The following SBF2 variants were observed in gnomAD, a reference collection of about 807,000 sequenced individuals.
SBF2 encodes myotubularin-related protein 13.
In SBF2, 112 loss-of-function variants were observed where a neutral mutation model predicts 225.2. The ratio of observed to expected loss-of-function variants is 0.50; its 90% CI spans 0.43 to 0.58. The LOEUF is 0.58. Ranked by LOEUF, SBF2 falls within the 20% of genes least tolerant of loss-of-function variation. The probability of loss-of-function intolerance (pLI) is 0.00; values close to 1 mark genes in which losing one functional copy is unlikely to be tolerated. For missense variants in SBF2, 1,996 were observed against 2,206.2 expected (o/e 0.90, Z 1.91); for synonymous variants, 763 against 773.3 (o/e 0.99, Z 0.22).
chr11:9,970,133 A>G (rs1002362804), intron 13 of SBF2, among the ~76,000 whole-genome samples: 1 of 152,076 alleles, frequency 6.6e-6, no homozygotes, highest in Non-Finnish European at 1.5e-5. Context: ...ATTCTTTGCG[A>G]CCAGAAAATT....
At chr11:9,806,010 C>G (rs1853823103) in intron 32 of SBF2, among the ~76,000 whole-genome samples, 1 of 152,200 alleles carries the variant, frequency 6.6e-6, no homozygotes, top group African/African-American at 2.4e-5. Flanking sequence ...TTGAGATTAT[C>G]TATTTATTGT....
chr11:9,905,281 AT>A (rs1862034148), intron 16 of SBF2, among the ~76,000 whole-genome samples: 1 of 152,198 alleles, frequency 6.6e-6, no homozygotes, highest in Non-Finnish European at 1.5e-5. Flanking sequence ...ATTTAATGGC[AT>A]TTTTATTAAG....
chr11:10,226,998 T>C (rs958277575), intron 1 of SBF2, among the ~76,000 whole-genome samples: 23 of 152,298 alleles, frequency 1.5e-4, no homozygotes, highest in South Asian at 6.2e-4. Context: ...TGTTTCCTGA[T>C]TTTTTAATGA....
intron 1 of SBF2, among the ~76,000 whole-genome samples, chr11:10,234,871 A>G (rs1430081201): frequency 6.6e-6 from 1 of 152,194 alleles, no homozygotes; most frequent in Non-Finnish European, 1.5e-5. Flanking sequence ...ATAGCTTGGT[A>G]GAAAAAGGGA....
At chr11:9,908,687 T>TGTTGTTAC (rs368242902) in intron 16 of SBF2, among the ~76,000 whole-genome samples, 1 of 151,580 alleles carries the variant, frequency 6.6e-6, no homozygotes, top group Admixed American at 6.6e-5. Context: ...GTTCATAATC[T>TGTTGTTAC]TGTTGTTGCT....
chr11:10,280,717 C>G (rs1285488783), intron 1 of SBF2, among the ~76,000 whole-genome samples: 4 of 152,064 alleles, frequency 2.6e-5, no homozygotes, highest in Admixed American at 2.0e-4. Flanking sequence ...CTGAAACAAT[C>G]TGGGCTAAAA....
Position 9,808,281 on chromosome 11 carries a change from C to G in SBF2, c.4258-96G>C, listed in dbSNP as rs931541540. On this transcript the variant is annotated intron_variant, in intron 31 of 39. Transcript: ENST00000256190. ...CTTCCTTCTGATGATAGCTAATTCA[C>G]AAATTTACCTGGACAGCAAATTTGT... The G allele has an allele frequency of 1.2e-5, 13 of 1,063,384 alleles. No homozygotes were observed. In the African/African-American group the frequency reaches 2.0e-4, roughly 17 times the overall value. The allele number at this position is 1,063,384 out of a possible 1,614,324, so 65.9% of individuals were successfully genotyped here. A position where few individuals can be genotyped will look rare whatever the true frequency, so the allele number is the denominator to read the frequency against.
intron 1 of SBF2, among the ~76,000 whole-genome samples, chr11:10,217,318 G>T (rs72861799): frequency 0.084 from 12,808 of 152,214 alleles, 797 homozygotes; most frequent in Non-Finnish European, 0.11. Context: ...TTTTGAGGAA[G>T]TAGGACTGAG....
In SBF2 at chr11:10,046,909, C is replaced by T. The variant is rs188146651; in HGVS notation, c.142-3928G>A. The stretch of plus-strand genomic sequence containing the variant: ...AAAAAAAAAAAACCCATCCCTGGAA[C>T]TAATAAGCAATTAAAAACAAGTTCT... On this transcript the variant is annotated intron_variant, in intron 2 of 39. Transcript: ENST00000256190. 1.4e-3 allele frequency among the ~76,000 whole-genome samples: 202 copies of T among 143,368 alleles called. 1 individual carries two copies. The highest frequency in any genetic ancestry group is 4.6e-3 in the African/African-American group (183 of 39,666). The allele number at this position is 143,368 out of a possible 152,430, so 94.1% of individuals were successfully genotyped here. A position where few individuals can be genotyped will look rare whatever the true frequency, so the allele number is the denominator to read the frequency against.
intron 2 of SBF2, among the ~76,000 whole-genome samples, chr11:10,162,270 T>G (rs1955785881): frequency 6.6e-6 from 1 of 152,064 alleles, no homozygotes. Context: ...TTACAGGCAT[T>G]TAGTTGAATA....
rs192488846 is a variant in SBF2, at chr11:10,174,413, G to A, written c.141+19489C>T. 2.8e-3 allele frequency among the ~76,000 whole-genome samples: 427 copies of A among 152,312 alleles called. 8 individuals are homozygous for A. The highest frequency in any genetic ancestry group is 0.024 in the Admixed American group (374 of 15,304). On this transcript the variant is annotated intron_variant, in intron 2 of 39. Coordinates refer to ENST00000256190, the MANE Select transcript of SBF2 (RefSeq NM_030962.4). Reference sequence around the variant, plus strand: ...ATCAACTGGAAGAAAGGGTATCAGCGATGGAAGATGAAGTGAATGAAATGA... The same window carrying A: ...ATCAACTGGAAGAAAGGGTATCAGCAATGGAAGATGAAGTGAATGAAATGA...
At chr11:9,971,283 C>T (rs115583949) in intron 13 of SBF2, among the ~76,000 whole-genome samples, 1 of 151,632 alleles carries the variant, frequency 6.6e-6, no homozygotes, top group South Asian at 2.1e-4. Flanking sequence ...ATCTTAGTAA[C>T]ACCAGTATTT....
At chr11:9,820,871 T>C (rs2133917902) in intron 28 of SBF2, among the ~76,000 whole-genome samples, 1 of 152,362 alleles carries the variant, frequency 6.6e-6, no homozygotes, top group East Asian at 1.9e-4. Flanking sequence ...TGCTTTTCCT[T>C]TTGTTCCTAA....
chr11:9,957,269 C>T (rs1468445579), intron 16 of SBF2: 3 of 152,026 alleles, frequency 2.0e-5, no homozygotes, highest in African/African-American at 4.8e-5. Context: ...CACAGAAACC[C>T]TAGAGTGGTC....
intron 1 of SBF2, among the ~76,000 whole-genome samples, chr11:10,275,321 C>T (rs990084374): frequency 1.3e-5 from 2 of 150,514 alleles, no homozygotes; most frequent in African/African-American, 2.4e-5. Context: ...ACTATAAAAG[C>T]ACAATATGGC....
chr11:9,881,348 T>G (rs1859744236), intron 17 of SBF2, among the ~76,000 whole-genome samples: 1 of 152,136 alleles, frequency 6.6e-6, no homozygotes. Context: ...GATTCTAAAA[T>G]GTACTATCAC....
chr11:9,855,088 T>G (rs1857220371), intron 19 of SBF2, among the ~76,000 whole-genome samples: 1 of 152,252 alleles, frequency 6.6e-6, no homozygotes, highest in Non-Finnish European at 1.5e-5. Context: ...TTCGGGAAGA[T>G]CCTTTTGGCA....
At chr11:10,148,628 T>C (rs149355892) in intron 2 of SBF2, among the ~76,000 whole-genome samples, 209 of 152,156 alleles carry the variant, frequency 1.4e-3, no homozygotes, top group African/African-American at 4.5e-3. Context: ...TCATCAGATG[T>C]AGATGTCGCT....
At chr11:10,122,856 T>A (rs1051608387) in intron 2 of SBF2, among the ~76,000 whole-genome samples, 2 of 152,200 alleles carry the variant, frequency 1.3e-5, no homozygotes, top group South Asian at 4.1e-4. Context: ...ATTACAAGAA[T>A]TGAAACTCTA....
Sources: allele counts gnomAD v4.1 joint callset (sites outside exome capture counted in the v4.1 genomes callset), GRCh38; gene constraint gnomAD v4.1.1; transcripts MANE v1.5; gene names NCBI Gene and HGNC (gene_info 2026-07-23, HGNC 2026-07-21).